The following CACNG2 variants were observed in gnomAD, a reference collection of about 807,000 sequenced individuals.
CACNG2 encodes the protein voltage-dependent calcium channel gamma-2 subunit.
A neutral mutation model predicts 25.9 loss-of-function variants in CACNG2; 3 were observed. That is an observed-to-expected ratio of 0.12 (90% confidence interval 0.05 to 0.30). CACNG2 has a LOEUF of 0.30. CACNG2 is among the 10% of genes least tolerant of loss of function. The pLI is 1.00. For synonymous variants in CACNG2, 167 were observed against 173.3 expected, an observed-to-expected ratio of 0.96 and a Z score of 0.29; for missense variants, 341 against 432.5, an observed-to-expected ratio of 0.79 and a Z score of 1.88.
intron 1 of CACNG2, among the ~76,000 whole-genome samples, chr22:36,672,411 G>A (rs1210509162): frequency 6.6e-6 from 1 of 152,134 alleles, no homozygotes; most frequent in Non-Finnish European, 1.5e-5. Context: ...TCCTGCCTTG[G>A]CCTCCCAGTG....
chr22:36,600,710 C>T (rs1461415745), intron 1 of CACNG2, among the ~76,000 whole-genome samples: 1 of 152,008 alleles, frequency 6.6e-6, no homozygotes, highest in Non-Finnish European at 1.5e-5. Flanking sequence ...CCAAGCTTGG[C>T]TAACTTTTGT....
intron 1 of CACNG2, among the ~76,000 whole-genome samples, chr22:36,590,311 G>A (rs1390663799): frequency 1.3e-5 from 2 of 152,154 alleles, no homozygotes; most frequent in Non-Finnish European, 2.9e-5. Flanking sequence ...CTTGAGGCCT[G>A]GACCTGGGTA....
rs537681616 is a variant in CACNG2 at position 36,668,654 on chromosome 22, A to AATTTTATTTT, written c.211+33702_211+33711dup. Among the ~76,000 whole-genome samples, 1,378 of 151,878 alleles carry AATTTTATTTT rather than the reference A, an allele frequency of 9.1e-3. 31 individuals carry two copies. The highest frequency in any genetic ancestry group is 0.032 in the African/African-American group (1,321 of 41,354). On this transcript the variant is annotated intron_variant, in intron 1 of 3. Transcript: ENST00000300105. ...CAGGTGCACACCACCCCTCCTGGCT[A>AATTTTATTTT]ATTTTATTTTATTTTATTTTTGGTA...
At chr22:36,655,008 C>T (rs533312033) in intron 1 of CACNG2, among the ~76,000 whole-genome samples, 19 of 151,522 alleles carry the variant, frequency 1.3e-4, no homozygotes, top group East Asian at 1.9e-4. Flanking sequence ...CTTGACTAAG[C>T]GGAGCTGTGA....
chr22:36,682,970 T>C (rs757421975), intron 1 of CACNG2, among the ~76,000 whole-genome samples: 5 of 152,312 alleles, frequency 3.3e-5, no homozygotes, highest in Non-Finnish European at 7.4e-5. Context: ...TAAAATCCCA[T>C]CAGCTTCATT....
chr22:36,564,407 CCTT>C lies in CACNG2; in HGVS notation c.913_915del (p.Lys305del). ...TTGGAGTGGAGAGAGTCCTTGTTCT[CCTT>C]CTGGATACAGTTGTGAACCTGGAGG... is the stretch of plus-strand genomic sequence containing the variant. On this transcript the variant is annotated inframe_deletion, in exon 4 of 4. Coordinates refer to ENST00000300105, the MANE Select transcript of CACNG2 (RefSeq NM_006078.5). The surrounding 1 kb of genome is among the most constrained non-coding windows in gnomAD (Gnocchi z 6.7). 1 of 1,613,946 alleles carries C rather than the reference CCTT, an allele frequency of 6.2e-7. No individual in the cohort carries two copies. Among genetic ancestry groups the C allele is most frequent in the South Asian group, 1.1e-5 (1 of 91,066 alleles).
In CACNG2 at chr22:36,611,823, C is replaced by T. The variant is rs559571742; in HGVS notation, c.212-24275G>A. ...GCTGACCATCATCCCCAATTCCAGCCTGTAAAAATGATAGCCGTCTCGGGG... is the reference window on the plus strand; with the variant it reads ...GCTGACCATCATCCCCAATTCCAGCTTGTAAAAATGATAGCCGTCTCGGGG... On this transcript the variant is annotated intron_variant, in intron 1 of 3. Coordinates refer to ENST00000300105, the MANE Select transcript of CACNG2 (RefSeq NM_006078.5). Among the ~76,000 whole-genome samples the T allele has an allele frequency of 5.3e-5, 8 of 152,250 alleles. No homozygotes were observed. The South Asian group carries it at 1.5e-3, about 28-fold the overall frequency.
chr22:36,667,492 C>T (rs913306512), intron 1 of CACNG2, among the ~76,000 whole-genome samples: 3 of 152,194 alleles, frequency 2.0e-5, no homozygotes, highest in Non-Finnish European at 4.4e-5. Context: ...ATACTTTGCA[C>T]CGAACCTCAG....
chr22:36,670,603 T>C (rs1936934556), intron 1 of CACNG2, among the ~76,000 whole-genome samples: 1 of 147,856 alleles, frequency 6.8e-6, no homozygotes, highest in African/African-American at 2.6e-5. Flanking sequence ...ACCTGTTTTT[T>C]GTTTTTTTGT....
intron 1 of CACNG2, among the ~76,000 whole-genome samples, chr22:36,651,847 A>G (rs888843533): frequency 6.6e-6 from 1 of 152,008 alleles, no homozygotes; most frequent in Admixed American, 6.6e-5. Flanking sequence ...GGACCTCTGC[A>G]TTCAAGTTTC....
At chr22:36,651,379 C>A (rs758502613) in intron 1 of CACNG2, among the ~76,000 whole-genome samples, 18 of 151,866 alleles carry the variant, frequency 1.2e-4, no homozygotes, top group Non-Finnish European at 2.6e-4. Flanking sequence ...CAGATGGCCA[C>A]CACCATGCCC....
intron 1 of CACNG2, among the ~76,000 whole-genome samples, chr22:36,625,996 T>C: frequency 6.6e-6 from 1 of 152,164 alleles, no homozygotes; most frequent in Non-Finnish European, 1.5e-5. Flanking sequence ...CTCGGCTCAC[T>C]GCAACCTCCG....
chr22:36,576,915 C>T (rs1241660263), intron 2 of CACNG2, among the ~76,000 whole-genome samples: 1 of 152,148 alleles, frequency 6.6e-6, no homozygotes, highest in East Asian at 1.9e-4. Context: ...TATAATAGCA[C>T]ATGAAAAGCA....
At chr22:36,648,264 C>T (rs888853822) in intron 1 of CACNG2, among the ~76,000 whole-genome samples, 1 of 151,958 alleles carries the variant, frequency 6.6e-6, no homozygotes, top group Non-Finnish European at 1.5e-5. Context: ...CCAAGAAGCC[C>T]GTAATGAAAT....
chr22:36,601,641 C>T (rs1007597901), intron 1 of CACNG2, among the ~76,000 whole-genome samples: 7 of 152,116 alleles, frequency 4.6e-5, no homozygotes, highest in Admixed American at 2.6e-4. Context: ...CCTGCCACTA[C>T]GCCTGGCTAA....
At chr22:36,615,693 C>T (rs1936011509) in intron 1 of CACNG2, among the ~76,000 whole-genome samples, 1 of 152,196 alleles carries the variant, frequency 6.6e-6, no homozygotes, top group South Asian at 2.1e-4. Context: ...GAGGGCGGGG[C>T]TTTGCTCTGC....
At chr22:36,687,391 G>T (rs1452327115) in intron 1 of CACNG2, among the ~76,000 whole-genome samples, 2 of 152,136 alleles carry the variant, frequency 1.3e-5, no homozygotes, top group Non-Finnish European at 2.9e-5. Flanking sequence ...CTATTCCAAG[G>T]TTGTGACACT....
At chr22:36,634,199 C>G (rs1936320889) in intron 1 of CACNG2, among the ~76,000 whole-genome samples, 1 of 152,228 alleles carries the variant, frequency 6.6e-6, no homozygotes, top group Non-Finnish European at 1.5e-5. Flanking sequence ...GTCTAGCACT[C>G]TGCCTGACCA....
intron 1 of CACNG2, among the ~76,000 whole-genome samples, chr22:36,614,660 G>A (rs1355788795): frequency 6.6e-6 from 1 of 152,190 alleles, no homozygotes; most frequent in Non-Finnish European, 1.5e-5. Flanking sequence ...CAGAGAGCAG[G>A]CAGGGTGGTG....
Sources: gnomAD v4.1 joint callset for allele counts (sites outside exome capture counted in the v4.1 genomes callset) on GRCh38, gnomAD v4.1.1 for gene constraint, Gnocchi (gnomAD v3.1) non-coding constraint, MANE v1.5 for transcripts, NCBI Gene and HGNC (gene_info 2026-07-23, HGNC 2026-07-21) for gene names.